The following DLG3 variants were observed in gnomAD, a reference collection of about 807,000 sequenced individuals.
DLG3 encodes the protein discs large MAGUK scaffold protein 3.
Under a neutral mutation model 64.1 loss-of-function variants are expected in DLG3, and 1 was observed. That is an observed-to-expected ratio of 0.02 (90% CI 0.01 to 0.07). The LOEUF (loss-of-function observed/expected upper bound fraction) is 0.07. DLG3 is among the 10% of genes least tolerant of loss of function. The probability of loss-of-function intolerance (pLI) is 1.00; values close to 1 mark genes in which losing one functional copy is unlikely to be tolerated. For synonymous variants in DLG3, 245 were observed against 259.8 expected (o/e 0.94, Z 0.55); for missense variants, 429 against 669.5 (o/e 0.64, Z 3.96).
intron 10 of DLG3, among the ~76,000 whole-genome samples, chrX:70,483,192 G>C (rs1479850395): frequency 8.9e-6 from 1 of 111,796 alleles, no homozygotes. Context: ...GCTAAGGCAG[G>C]AGGATCACTT....
At chrX:70,459,844 G>A (rs1349583942) in intron 9 of DLG3, among the ~76,000 whole-genome samples, 1 of 111,268 alleles carries the variant, frequency 9.0e-6, no homozygotes, top group Non-Finnish European at 1.9e-5. Flanking sequence ...ATAAAAGTTT[G>A]AGTACAGATT....
chrX:70,448,899 G>A lies in DLG3; in HGVS notation c.358-14G>A, dbSNP rs371189462. On this transcript the variant is annotated splice_polypyrimidine_tract_variant and intron_variant, in intron 1 of 18. Transcript: ENST00000374360. ...GCAGGGGGCACTAAGGGAACTGCCT[G>A]TGTCTCCCCCTAGGTGAATGGCAGT... 2.5e-5 allele frequency: 30 copies of A among 1,205,805 alleles called. No homozygotes were observed. In the African/African-American group the frequency reaches 4.2e-4, roughly 17 times the overall value.
At chrX:70,487,972 G>T (rs1428899298) in intron 10 of DLG3, among the ~76,000 whole-genome samples, 2 of 110,033 alleles carry the variant, frequency 1.8e-5, no homozygotes, top group African/African-American at 6.6e-5. Context: ...TTAAATAGTG[G>T]AAGAATGGTA....
intron 9 of DLG3, among the ~76,000 whole-genome samples, chrX:70,460,871 T>A (rs1024843029): frequency 1.8e-5 from 2 of 112,280 alleles, no homozygotes; most frequent in Non-Finnish European, 3.8e-5. Context: ...AGCATAATAT[T>A]GTCAAGGTTC....
intron 9 of DLG3, among the ~76,000 whole-genome samples, chrX:70,468,223 C>A (rs1188195034): frequency 1.8e-5 from 2 of 111,417 alleles, no homozygotes; most frequent in African/African-American, 6.5e-5. Context: ...GTGCCCGCCA[C>A]CATGCCCAAC....
intron 1 of DLG3, chrX:70,448,606 C>T (rs1301960913): frequency 8.6e-7 from 1 of 1,163,334 alleles, no homozygotes; most frequent in East Asian, 3.3e-5. Flanking sequence ...TCCTAGTGAA[C>T]CCTGAGACAC....
At chrX:70,500,724 C>A in intron 17 of DLG3, 144 bp downstream of exon 17, 2 of 671,302 alleles carry the variant, frequency 3.0e-6, no homozygotes, top group Non-Finnish European at 4.7e-6. Context: ...GTTTTGAGGG[C>A]TTGTGCATAT....
intron 6 of DLG3, among the ~76,000 whole-genome samples, chrX:70,451,538 A>G (rs2086619133): frequency 8.9e-6 from 1 of 112,091 alleles, no homozygotes; most frequent in Non-Finnish European, 1.9e-5. Context: ...AAATGAGATC[A>G]TGGATGAGAA....
intron 1 of DLG3, among the ~76,000 whole-genome samples, chrX:70,445,974 A>G (rs1195484636): frequency 9.4e-6 from 1 of 106,000 alleles, no homozygotes; most frequent in Non-Finnish European, 1.9e-5. Flanking sequence ...ATGTGTGTGT[A>G]TGTATGTTGG....
rs999159502 is a variant in DLG3 at position 70,505,002 on chromosome X, T to C, written c.*2733T>C. On this transcript the variant is annotated 3_prime_UTR_variant, in exon 19 of 19. Coordinates refer to ENST00000374360, the MANE Select transcript of DLG3 (RefSeq NM_021120.4). Reference sequence around the variant, plus strand: ...TGAGCCACCTGAAATGTGTGTGGGCTGAGCCACAGGAAGGGTGAGTCCTCT... The same window carrying C: ...TGAGCCACCTGAAATGTGTGTGGGCCGAGCCACAGGAAGGGTGAGTCCTCT... The C allele has an allele frequency of 7.1e-5, 8 of 112,909 alleles. No homozygotes were observed. Among genetic ancestry groups the C allele is most frequent in the Non-Finnish European group, 1.3e-4 (7 of 53,305 alleles). The allele number at this position is 112,909 out of a possible 1,213,427, so 9.3% of individuals were successfully genotyped here.
intron 1 of DLG3, among the ~76,000 whole-genome samples, chrX:70,448,006 C>A (rs370252922): frequency 8.9e-6 from 1 of 112,015 alleles, no homozygotes; most frequent in Non-Finnish European, 1.9e-5. Flanking sequence ...CAGTCCCACC[C>A]GTGGCTTTGT....
intron 10 of DLG3, among the ~76,000 whole-genome samples, chrX:70,484,293 A>G (rs919883784): frequency 1.8e-5 from 2 of 111,764 alleles, no homozygotes; most frequent in Non-Finnish European, 3.8e-5. Context: ...GAAGGAAATC[A>G]TGTTAGAGCA....
At position 70,452,044 on chromosome X, in the gene DLG3, A is replaced by G. The variant is rs2086624280; in HGVS notation, c.1145+18A>G. Reference sequence around the variant, plus strand: ...TTCACCAGGTAAGACCCCGCCCCCAACATCCCATTCAATCTACCCAGAAAT... The same window carrying G: ...TTCACCAGGTAAGACCCCGCCCCCAGCATCCCATTCAATCTACCCAGAAAT... On this transcript the variant is annotated intron_variant, in intron 7 of 18. Transcript: ENST00000374360. 2 of 1,208,182 alleles carry G rather than the reference A, an allele frequency of 1.7e-6. No homozygotes were observed.
rs1462991772 is a variant in DLG3 at position 70,452,662 on chromosome X, T to A, written c.1145+636T>A. 7 of 1,200,139 alleles carry A rather than the reference T, an allele frequency of 5.8e-6. No individual in the cohort carries two copies. In the South Asian group the frequency reaches 7.3e-5, roughly 12 times the overall value. On this transcript the variant is annotated intron_variant, in intron 7 of 18. Transcript: ENST00000374360. Reference sequence around the variant, plus strand: ...AAGTTCTCGGGCTCCGGCTTGGCCATGGGCTTGGGCTCCGCCTCCGCTTCG... The same window carrying A: ...AAGTTCTCGGGCTCCGGCTTGGCCAAGGGCTTGGGCTCCGCCTCCGCTTCG...
At chrX:70,500,867 T>G (rs758883522) in intron 17 of DLG3, 31 bp from the exon 18 acceptor site, 1 of 1,119,007 alleles carries the variant, frequency 8.9e-7, no homozygotes, top group African/African-American at 1.8e-5. Context: ...TAAGATCTGG[T>G]TCAGAACTAT....
chrX:70,491,921 T>C (rs2087366776), intron 10 of DLG3, among the ~76,000 whole-genome samples, 186 bp from the exon 11 acceptor site: 2 of 111,690 alleles, frequency 1.8e-5, no homozygotes, highest in Non-Finnish European at 3.8e-5. Flanking sequence ...GATGTTTCTT[T>C]GAAAGCGGGT....
At position 70,445,172 on chromosome X, in the gene DLG3, T is replaced by A. The variant is rs2086552192; in HGVS notation, c.-30T>A. ...CGGCGGCGTGGAATCCGGCGTGGGC[T>A]GGGGGGTCCGAGCCGCGGGGGGCAG... On this transcript the variant is annotated 5_prime_UTR_variant, in exon 1 of 19. Transcript: ENST00000374360. 9.0e-7 allele frequency: 1 copy of A among 1,107,607 alleles called. No individual in the cohort carries two copies. Among genetic ancestry groups the A allele is most frequent in the Non-Finnish European group, 1.2e-6 (1 of 829,499 alleles). 91.3% of individuals were successfully genotyped at this position (1,107,607 alleles called of 1,213,427 possible).
intron 10 of DLG3, among the ~76,000 whole-genome samples, chrX:70,487,401 T>A (rs969561336): frequency 7.2e-5 from 8 of 111,888 alleles, no homozygotes; most frequent in Non-Finnish European, 1.5e-4. Context: ...TCTCCCCAGC[T>A]CTACCTTTTG....
intron 7 of DLG3, chrX:70,452,382 T>C (rs1192271502): frequency 1.1e-6 from 1 of 952,278 alleles, no homozygotes; most frequent in Non-Finnish European, 1.3e-6. Context: ...CATTTCAAAT[T>C]AGAGAAGAAA....
Sources: gnomAD v4.1 joint callset for allele counts (sites outside exome capture counted in the v4.1 genomes callset) on GRCh38, gnomAD v4.1.1 for gene constraint, MANE v1.5 for transcripts, NCBI Gene and HGNC (gene_info 2026-07-23, HGNC 2026-07-21) for gene names.